SYNE2: variants seen among roughly 807,000 people sequenced by gnomAD.
SYNE2 encodes spectrin repeat containing nuclear envelope protein 2.
In SYNE2, 431 loss-of-function variants were observed where a neutral mutation model predicts 856.3. The observed-to-expected ratio is 0.50, with a 90% CI of 0.47 to 0.55. The LOEUF (loss-of-function observed/expected upper bound fraction) is 0.55. Ranked by LOEUF, SYNE2 falls within the 20% of genes least tolerant of loss-of-function variation. The pLI is 0.00. For synonymous variants in SYNE2, 2,923 were observed against 2,872.3 expected (o/e 1.02, Z -0.56); for missense variants, 8,129 against 8,023.2 (o/e 1.01, Z -0.50).
intron 50 of SYNE2, 67 bp downstream of exon 50, chr14:64,062,962 A>G: frequency 6.3e-7 from 1 of 1,588,212 alleles, no homozygotes. Context: ...TGGCAGAGGC[A>G]GCAGAGAATG....
intron 51 of SYNE2, among the ~76,000 whole-genome samples, chr14:64,068,863 A>G (rs1393994233): frequency 7.5e-5 from 1 of 13,412 alleles, no homozygotes; most frequent in Non-Finnish European, 7.1e-4. Flanking sequence ...CTCCGTCTCA[A>G]AAAAAAAAAA....
Position 64,159,384 on chromosome 14 carries a change from G to T in SYNE2, c.16036G>T (p.Gly5346Cys), listed in dbSNP as rs568820093. Residue 5346 changes from glycine to cysteine, a missense_variant, in exon 87 of 116, where the codon GGT (glycine) becomes TGT (cysteine). Physicochemically the swap from Gly to Cys is radical, Grantham distance 159. Around this residue, in one of 3 missense-constraint regions of SYNE2, gnomAD observed 5,410 missense variants for 5,284.8 expected, o/e 1.02. Transcript: ENST00000555002. Reference protein sequence around the residue: ...KLQEVIGKLKGLCPSVAEIIE... With the variant: ...KLQEVIGKLKCLCPSVAEIIE... ...CCAGGAGGTTATCGGCAAACTCAAA[G>T]GTCTCTGCCCCTCTGTTGCTGAAAT... 2 of 1,613,832 alleles carry T rather than the reference G, an allele frequency of 1.2e-6. No homozygotes were observed. The highest frequency in any genetic ancestry group is 8.5e-7 in the Non-Finnish European group (1 of 1,179,904).
In SYNE2 at chr14:64,168,924, T is replaced by C. The variant is rs112215620; in HGVS notation, c.16953T>C (p.Tyr5651=). ...VSINQTIADS[Y]VTQSLQLLDT... is the part of the protein sequence containing the mutation. Reference sequence around the variant, plus strand: ...TAAACCAGACAATTGCTGATTCCTATGTCACCCAGTCCTTACAACTCCTGG... The same window carrying C: ...TAAACCAGACAATTGCTGATTCCTACGTCACCCAGTCCTTACAACTCCTGG... Residue 5651 remains tyrosine, a synonymous_variant, in exon 93 of 116, where the codon TAT becomes TAC. Coordinates refer to ENST00000555002, the MANE Select transcript of SYNE2 (RefSeq NM_182914.3). 1.9e-6 allele frequency: 3 copies of C among 1,614,006 alleles called. No homozygotes were observed. Among genetic ancestry groups the C allele is most frequent in the Non-Finnish European group, 2.5e-6 (3 of 1,179,978 alleles).
intron 90 of SYNE2, chr14:64,166,853 A>C (rs1390767639): frequency 3.8e-6 from 1 of 262,326 alleles, no homozygotes; most frequent in Non-Finnish European, 7.5e-6. Context: ...GAATCGTTTG[A>C]ACCCAGGAGG....
At chr14:64,001,208 C>T (rs1288050684) in intron 28 of SYNE2, among the ~76,000 whole-genome samples, 1 of 152,110 alleles carries the variant, frequency 6.6e-6, no homozygotes, top group Non-Finnish European at 1.5e-5. Flanking sequence ...AGTGCCTATT[C>T]TTTGGACCCC....
At chr14:63,961,436 A>C (rs1255884) in intron 8 of SYNE2, 89 bp from the exon 9 acceptor site, 1 of 1,110,948 alleles carries the variant, frequency 9.0e-7, no homozygotes, top group African/African-American at 1.5e-5. Context: ...CCTGTGAACC[A>C]AATGGCAGAG....
intron 19 of SYNE2, 133 bp downstream of exon 19, chr14:63,986,750 A>G (rs569500733): frequency 6.9e-5 from 69 of 993,882 alleles, no homozygotes; most frequent in Non-Finnish European, 1.0e-4. Flanking sequence ...TTAAAAATGA[A>G]TGGATTTTAT....
At chr14:64,004,619 C>T (rs1247172610) in intron 30 of SYNE2, among the ~76,000 whole-genome samples, 3 of 152,180 alleles carry the variant, frequency 2.0e-5, no homozygotes, top group East Asian at 3.9e-4. Flanking sequence ...CGTGAGCCAC[C>T]GCGCCTGGCC....
At chr14:63,779,866 C>T (rs574805244) in intron 1 of SYNE2, among the ~76,000 whole-genome samples, 6 of 151,854 alleles carry the variant, frequency 4.0e-5, no homozygotes, top group South Asian at 2.1e-4. Context: ...TGAGCAGGGG[C>T]GGAGATGGGC....
At position 64,051,882 on chromosome 14, in the gene SYNE2, G is replaced by A; in HGVS notation, c.7969G>A (p.Glu2657Lys). The A allele has an allele frequency of 1.2e-6, 2 of 1,613,986 alleles. No individual in the cohort carries two copies. The highest frequency in any genetic ancestry group is 1.7e-6 in the Non-Finnish European group (2 of 1,180,036). The change falls in exon 48 of 116, where the codon GAA becomes AAA. Residue 2657 changes from glutamate (E) to lysine (K), a missense_variant. Coordinates refer to ENST00000555002, the MANE Select transcript of SYNE2 (RefSeq NM_182914.3). ...QHLQLRLKSP[E>K]ERAGNQSMIA... ...TCTACAGTTAAGGCTGAAGTCTCCA[G>A]AAGAACGGGCAGGGAACCAAAGCAT... is the stretch of plus-strand genomic sequence containing the variant.
intron 94 of SYNE2, 45 bp downstream of exon 94, chr14:64,170,507 T>C: frequency 6.5e-7 from 1 of 1,533,196 alleles, no homozygotes; most frequent in South Asian, 1.2e-5. Context: ...GGGTGGTCAT[T>C]GTTTGCAAGA....
At chr14:63,842,963 T>C (rs1481004485) in intron 1 of SYNE2, among the ~76,000 whole-genome samples, 1 of 152,212 alleles carries the variant, frequency 6.6e-6, no homozygotes, top group Non-Finnish European at 1.5e-5. Flanking sequence ...TCAATGGGGT[T>C]TGCTTTTACT....
At chr14:63,933,081 T>A (rs183574315) in intron 2 of SYNE2, among the ~76,000 whole-genome samples, 47 of 152,298 alleles carry the variant, frequency 3.1e-4, no homozygotes, top group African/African-American at 1.1e-3. Context: ...GCAGTAAACC[T>A]GTTATTAATA....
chr14:64,002,953 G>A lies in SYNE2; in HGVS notation c.4020G>A (p.Glu1340=). ...ASLRTAKLSA[E]PVTDLSASDT... Reference sequence around the variant, plus strand: ...TCAGAACAGCTAAACTCTCTGCTGAGCCCGTTACAGACCTTTCAGCCTCAG... The same window carrying A: ...TCAGAACAGCTAAACTCTCTGCTGAACCCGTTACAGACCTTTCAGCCTCAG... Residue 1340 remains glutamate, a synonymous_variant, in exon 30 of 116, where the codon GAG becomes GAA. Coordinates refer to ENST00000555002, the MANE Select transcript of SYNE2 (RefSeq NM_182914.3). 1 of 1,614,182 alleles carries A rather than the reference G, an allele frequency of 6.2e-7. No homozygotes were observed. Among genetic ancestry groups the A allele is most frequent in the Non-Finnish European group, 8.5e-7 (1 of 1,180,038 alleles).
At chr14:63,775,790 T>A in intron 1 of SYNE2, among the ~76,000 whole-genome samples, 1 of 152,050 alleles carries the variant, frequency 6.6e-6, no homozygotes, top group Non-Finnish European at 1.5e-5. Context: ...AGACATGGGG[T>A]CCCACTATGT....
At chr14:63,960,827 T>C (rs1413228669) in intron 8 of SYNE2, 1 of 756,016 alleles carries the variant, frequency 1.3e-6, no homozygotes. Flanking sequence ...GGAGGACTGT[T>C]TGAGGCCAGG....
At chr14:64,091,218 T>C (rs1000673056) in intron 60 of SYNE2, among the ~76,000 whole-genome samples, 170 bp downstream of exon 60, 2 of 152,242 alleles carry the variant, frequency 1.3e-5, no homozygotes, top group African/African-American at 4.8e-5. Context: ...TTTTTCTCAG[T>C]TCTTATCCTT....
At chr14:64,109,152 A>G (rs184199193) in intron 65 of SYNE2, among the ~76,000 whole-genome samples, 61 of 151,938 alleles carry the variant, frequency 4.0e-4, no homozygotes, top group Non-Finnish European at 1.5e-4. Flanking sequence ...ATCTAATTAA[A>G]AATCAGATGT....
At chr14:63,934,045 G>A (rs1026203238) in intron 2 of SYNE2, among the ~76,000 whole-genome samples, 4 of 152,188 alleles carry the variant, frequency 2.6e-5, no homozygotes, top group Non-Finnish European at 5.9e-5. Context: ...CTGCTATAAA[G>A]GTGTTTAATT....
Sources: allele counts gnomAD v4.1 joint callset (sites outside exome capture counted in the v4.1 genomes callset), GRCh38; gene constraint gnomAD v4.1.1; regional missense constraint gnomAD v4.1.1; transcripts MANE v1.5; gene names NCBI Gene and HGNC (gene_info 2026-07-23, HGNC 2026-07-21).